ADGRF5: variants seen among roughly 807,000 people sequenced by gnomAD.
ADGRF5 encodes the protein G-protein coupled receptor 116.
ADGRF5 carries 75 observed loss-of-function variants against 132.3 expected under a neutral mutation model. The observed-to-expected ratio is 0.57, with a 90% confidence interval of 0.47 to 0.69. The LOEUF (loss-of-function observed/expected upper bound fraction) is 0.69. Ranked by LOEUF, ADGRF5 falls within the 30% of genes least tolerant of loss-of-function variation. ADGRF5 has a pLI of 0.00. For missense variants in ADGRF5, 1,516 were observed against 1,630.6 expected, an observed-to-expected ratio of 0.93 and a Z score of 1.21; for synonymous variants, 629 against 597.6, an observed-to-expected ratio of 1.05 and a Z score of -0.77.
At chr6:46,881,659 T>C (rs1293597970) in intron 7 of ADGRF5, 62 bp from the exon 8 acceptor site, 19 of 1,463,536 alleles carry the variant, frequency 1.3e-5, no homozygotes, top group Non-Finnish European at 1.8e-5. Context: ...TAGATATTTA[T>C]GGCTTATTTG....
chr6:46,948,151 G>A (rs1582088318), intron 1 of ADGRF5, among the ~76,000 whole-genome samples: 1 of 152,204 alleles, frequency 6.6e-6, no homozygotes, highest in Admixed American at 6.5e-5. Flanking sequence ...TGCTTGTAAA[G>A]TGTGCCAATT....
chr6:46,879,864 A>G lies in ADGRF5; in HGVS notation c.990T>C (p.Thr330=). 6.2e-7 allele frequency: 1 copy of G among 1,614,114 alleles called. No individual in the cohort carries two copies. The highest frequency in any genetic ancestry group is 8.5e-7 in the Non-Finnish European group (1 of 1,179,974). The change falls in exon 9 of 21, where the codon ACT becomes ACC. Residue 330 remains threonine, a synonymous_variant. Coordinates refer to ENST00000283296, the MANE Select transcript of ADGRF5 (RefSeq NM_001098518.2). ...SIYTALFNNM[T]SVSKLTIHNI... ...TGTGGATGGTGAGCTTGGACACCGA[A>G]GTCATGTTGTTGAAAAGTGCGGTGT...
intron 1 of ADGRF5, among the ~76,000 whole-genome samples, chr6:46,910,487 G>A (rs1184418142): frequency 6.6e-6 from 1 of 152,128 alleles, no homozygotes; most frequent in African/African-American, 2.4e-5. Context: ...CTCTCTGCAA[G>A]GGTTACGCCC....
At chr6:46,860,022 A>G (rs1769555228) in intron 16 of ADGRF5, among the ~76,000 whole-genome samples, 2 of 151,942 alleles carry the variant, frequency 1.3e-5, no homozygotes, top group Non-Finnish European at 2.9e-5. Context: ...GTGGAGATAC[A>G]TCTTTCCTGC....
chr6:46,895,465 C>T (rs1326564937), intron 3 of ADGRF5, among the ~76,000 whole-genome samples: 1 of 151,452 alleles, frequency 6.6e-6, no homozygotes, highest in African/African-American at 2.4e-5. Flanking sequence ...CTGGGAAGTG[C>T]ACGGCATTTC....
chr6:46,946,304 G>A (rs1032601134), intron 1 of ADGRF5, among the ~76,000 whole-genome samples: 5 of 152,200 alleles, frequency 3.3e-5, no homozygotes, highest in African/African-American at 1.2e-4. Flanking sequence ...GGAGAACAGT[G>A]TGAAGTCCTG....
chr6:46,901,444 A>G (rs1313366746), intron 2 of ADGRF5, among the ~76,000 whole-genome samples: 1 of 152,206 alleles, frequency 6.6e-6, no homozygotes, highest in African/African-American at 2.4e-5. Flanking sequence ...GGCAGAGCTC[A>G]TTCTGCCGTC....
intron 1 of ADGRF5, among the ~76,000 whole-genome samples, chr6:46,912,012 A>G (rs1348952862): frequency 6.6e-6 from 1 of 152,150 alleles, no homozygotes; most frequent in Non-Finnish European, 1.5e-5. Context: ...ATATTAAATC[A>G]CTGAGTCTTT....
At chr6:46,854,430 G>A (rs1220092304) in intron 20 of ADGRF5, among the ~76,000 whole-genome samples, 1 of 152,180 alleles carries the variant, frequency 6.6e-6, no homozygotes, top group African/African-American at 2.4e-5. Context: ...TTGGGTTGTG[G>A]TGACTTGGGG....
In ADGRF5 at chr6:46,900,634, T is replaced by G. The variant is rs559380628; in HGVS notation, c.103-551A>C. On this transcript the variant is annotated intron_variant, in intron 2 of 20. Transcript: ENST00000283296. ...TAGTAGGAACTAAGAAAGCCTGCTC[T>G]AGAGTCAGACTGCCTGGGTACAAGA... 2.6e-5 allele frequency among the ~76,000 whole-genome samples: 4 copies of G among 152,338 alleles called. No homozygotes were observed. The South Asian group carries it at 8.3e-4, about 32-fold the overall frequency.
intron 1 of ADGRF5, among the ~76,000 whole-genome samples, chr6:46,913,431 G>A (rs1209149543): frequency 1.3e-5 from 2 of 151,846 alleles, no homozygotes; most frequent in Non-Finnish European, 2.9e-5. Context: ...CCCAGGAGGT[G>A]GAGATTGCAG....
chr6:46,900,442 C>T (rs1205604574), intron 2 of ADGRF5, among the ~76,000 whole-genome samples: 1 of 152,210 alleles, frequency 6.6e-6, no homozygotes, highest in Admixed American at 6.5e-5. Context: ...ACTGAGTCAT[C>T]CCAGTGACCT....
At chr6:46,892,205 CACACAG>C (rs1668365684) in intron 3 of ADGRF5, among the ~76,000 whole-genome samples, 1 of 97,286 alleles carries the variant, frequency 1.0e-5, no homozygotes, top group African/African-American at 3.8e-5. Flanking sequence ...CACACACACA[CACACAG>C]AAAGAGAGAG....
chr6:46,899,997 T>A, intron 3 of ADGRF5, 32 bp downstream of exon 3: 1 of 1,512,336 alleles, frequency 6.6e-7, no homozygotes, highest in Non-Finnish European at 9.2e-7. Context: ...AGTCAACTTA[T>A]AAAAGGGATT....
chr6:46,875,806 A>C (rs1348754063), intron 10 of ADGRF5, among the ~76,000 whole-genome samples: 2 of 151,926 alleles, frequency 1.3e-5, no homozygotes, highest in Non-Finnish European at 2.9e-5. Flanking sequence ...CAAAAAACAA[A>C]ATGAAACAAA....
chr6:46,910,547 C>T (rs747653259), intron 1 of ADGRF5, among the ~76,000 whole-genome samples: 7 of 152,068 alleles, frequency 4.6e-5, no homozygotes, highest in Non-Finnish European at 7.4e-5. Flanking sequence ...CCCCATTTTT[C>T]AGACATGGAA....
chr6:46,937,221 A>AGT (rs10558166), intron 1 of ADGRF5, among the ~76,000 whole-genome samples: 6,776 of 146,732 alleles, frequency 0.046, 248 homozygotes, highest in African/African-American at 0.1. Context: ...GGCAATAAGG[A>AGT]GTGTGTGTGT....
At chr6:46,922,455 A>G (rs907087804), upstream of ADGRF5, among the ~76,000 whole-genome samples, 1 of 152,204 alleles carries the variant, frequency 6.6e-6, no homozygotes, top group Non-Finnish European at 1.5e-5. Context: ...TGTGTATCAA[A>G]CTATAAATTT....
At chr6:46,865,763 A>C (rs1291840526) in intron 13 of ADGRF5, among the ~76,000 whole-genome samples, 1 of 152,230 alleles carries the variant, frequency 6.6e-6, no homozygotes. Context: ...GTGTTTATTG[A>C]GTCCCCACTT....
Sources: allele counts gnomAD v4.1 joint callset (sites outside exome capture counted in the v4.1 genomes callset), GRCh38; gene constraint gnomAD v4.1.1; transcripts MANE v1.5; gene names NCBI Gene and HGNC (gene_info 2026-07-23, HGNC 2026-07-21).